The following SGPP2 variants were observed in gnomAD, a reference collection of about 807,000 sequenced individuals.
The protein encoded by SGPP2 is sphingosine-1-phosphate phosphatase 2.
Under a neutral mutation model 33.9 loss-of-function variants are expected in SGPP2, and 30 were observed. That is an observed-to-expected ratio of 0.89 (90% CI 0.66 to 1.20). The LOEUF (loss-of-function observed/expected upper bound fraction) is 1.20, where lower values mean the gene tolerates loss of function less well. SGPP2 is among the 50% of genes most tolerant of loss of function. The pLI, the probability that SGPP2 is intolerant of heterozygous loss-of-function variation, is 0.00. For missense variants in SGPP2, 458 were observed against 532.1 expected, an observed-to-expected ratio of 0.86 and a Z score of 1.37; for synonymous variants, 233 against 225.0, an observed-to-expected ratio of 1.04 and a Z score of -0.32.
chr2:222,525,776 A>G (rs918709919), intron 4 of SGPP2, among the ~76,000 whole-genome samples: 1 of 152,318 alleles, frequency 6.6e-6, no homozygotes, highest in Admixed American at 6.5e-5. Context: ...TTGTGTGTTT[A>G]TCTCAATTCT....
chr2:222,544,217 G>A (rs957061438), intron 4 of SGPP2, among the ~76,000 whole-genome samples: 1 of 152,146 alleles, frequency 6.6e-6, no homozygotes, highest in Non-Finnish European at 1.5e-5. Flanking sequence ...CTGTTAAAAG[G>A]CTGAACTGAG....
In SGPP2 at chr2:222,457,920, G is replaced by A. The variant is rs144107098; in HGVS notation, c.220-16648G>A. Among the ~76,000 whole-genome samples, 44 of 152,296 alleles carry A rather than the reference G, an allele frequency of 2.9e-4. 1 individual carries two copies. In the Middle Eastern group the frequency reaches 0.01, roughly 35 times the overall value. ...TCTAGAGAATTGAGCATCTTCTCTC[G>A]CTTCATAGGGAAGGACATGGCTGGA... On this transcript the variant is annotated intron_variant, in intron 1 of 4. Transcript: ENST00000321276.
chr2:222,425,890 T>C lies in SGPP2; in HGVS notation c.219+1069T>C, dbSNP rs1453188120. Among the ~76,000 whole-genome samples the C allele has an allele frequency of 2.6e-5, 4 of 152,010 alleles. No homozygotes were observed. The East Asian group carries it at 7.7e-4, about 29-fold the overall frequency. On this transcript the variant is annotated intron_variant, in intron 1 of 4. Coordinates refer to ENST00000321276, the MANE Select transcript of SGPP2 (RefSeq NM_152386.4). The stretch of plus-strand genomic sequence containing the variant: ...ATAGGCATTGGATTACAGAATTTGT[T>C]TGGGAGGGTGAGGGTGGTTGTGTGT...
chr2:222,517,544 C>T (rs777298371), intron 2 of SGPP2, among the ~76,000 whole-genome samples: 1 of 152,186 alleles, frequency 6.6e-6, no homozygotes. Context: ...TCCTTCAAGG[C>T]CCTGTGACCT....
chr2:222,432,005 T>G (rs1697164630), intron 1 of SGPP2, among the ~76,000 whole-genome samples: 1 of 152,216 alleles, frequency 6.6e-6, no homozygotes, highest in Non-Finnish European at 1.5e-5. Context: ...AGCTGCAGTT[T>G]TGGGCTGCAG....
intron 2 of SGPP2, chr2:222,504,845 C>T (rs1698420763): frequency 6.6e-6 from 1 of 152,160 alleles, no homozygotes; most frequent in Non-Finnish European, 1.5e-5. Context: ...ACAGTCATGA[C>T]AAGGTGAGGA....
At chr2:222,498,402 G>A (rs1370162866) in intron 2 of SGPP2, 1 of 152,066 alleles carries the variant, frequency 6.6e-6, no homozygotes, top group Non-Finnish European at 1.5e-5. Flanking sequence ...TTTTTTTAAT[G>A]GCAGCCAATA....
rs185308284 is a variant in SGPP2 at position 222,443,851 on chromosome 2, C to T, written c.219+19030C>T. 1.0e-3 allele frequency among the ~76,000 whole-genome samples: 154 copies of T among 152,304 alleles called. 1 individual carries two copies. The highest frequency in any genetic ancestry group is 2.9e-5 in the Non-Finnish European group (2 of 68,024). The stretch of plus-strand genomic sequence containing the variant: ...TGCTTGGCTTCTTACACATCTAAAA[C>T]ATGTCATGTAACCTCTACTGTAACC... On this transcript the variant is annotated intron_variant, in intron 1 of 4. Coordinates refer to ENST00000321276, the MANE Select transcript of SGPP2 (RefSeq NM_152386.4).
chr2:222,459,142 C>CTTTTTTTTTT (rs1164145783), intron 1 of SGPP2, among the ~76,000 whole-genome samples: 12 of 94,470 alleles, frequency 1.3e-4, no homozygotes, highest in Non-Finnish European at 1.9e-4. Flanking sequence ...TTCTTTCTTT[C>CTTTTTTTTTT]TTTTTTTTTT....
intron 2 of SGPP2, among the ~76,000 whole-genome samples, chr2:222,500,333 G>A (rs1036020059): frequency 9.9e-5 from 15 of 152,078 alleles, no homozygotes; most frequent in South Asian, 2.1e-4. Context: ...TGGATGTCTC[G>A]TTTTCAGTTT....
At chr2:222,518,024 G>A (rs1299073481) in intron 2 of SGPP2, among the ~76,000 whole-genome samples, 1 of 152,172 alleles carries the variant, frequency 6.6e-6, no homozygotes, top group African/African-American at 2.4e-5. Context: ...CCTACTCAAG[G>A]ATGGGGACCT....
At chr2:222,435,235 A>G (rs189337880) in intron 1 of SGPP2, among the ~76,000 whole-genome samples, 9 of 152,262 alleles carry the variant, frequency 5.9e-5, no homozygotes, top group East Asian at 3.9e-4. Flanking sequence ...AGCATCTGGC[A>G]TGGGAGAAGA....
chr2:222,490,686 C>T (rs1335621853), intron 2 of SGPP2, among the ~76,000 whole-genome samples: 1 of 150,152 alleles, frequency 6.7e-6, no homozygotes, highest in Admixed American at 6.7e-5. Flanking sequence ...CTCAAGAGAT[C>T]CTTTCATCTT....
Position 222,477,041 on chromosome 2 carries a change from G to GTGTGTATAGGTGTGTATATA in SGPP2, c.378+2321_378+2340dup, listed in dbSNP as rs1250704884. Reference sequence around the variant, plus strand: ...TATATAGGTGTGTATATATGTGTATGTGTGTATAGGTGTGTATATATGTGT... The same window carrying GTGTGTATAGGTGTGTATATA: ...TATATAGGTGTGTATATATGTGTATGTGTGTATAGGTGTGTATATATGTGTATAGGTGTGTATATATGTGT... On this transcript the variant is annotated intron_variant, in intron 2 of 4. Transcript: ENST00000321276. The surrounding 1 kb of genome is among the most constrained non-coding windows in gnomAD (Gnocchi z 6.0). 0.023 allele frequency among the ~76,000 whole-genome samples: 3,391 copies of GTGTGTATAGGTGTGTATATA among 149,900 alleles called. 155 individuals carry two copies. The highest frequency in any genetic ancestry group is 0.08 in the African/African-American group (3,186 of 39,724).
intron 1 of SGPP2, among the ~76,000 whole-genome samples, chr2:222,455,187 T>C (rs1458891570): frequency 2.7e-5 from 4 of 147,014 alleles, no homozygotes; most frequent in African/African-American, 5.1e-5. Context: ...CTGGACAACA[T>C]AGTGAGACCC....
At chr2:222,478,864 C>T (rs1697989038) in intron 2 of SGPP2, among the ~76,000 whole-genome samples, 1 of 152,104 alleles carries the variant, frequency 6.6e-6, no homozygotes, top group Non-Finnish European at 1.5e-5. Flanking sequence ...TCTTTTGTTG[C>T]TTTTATAGGC....
At chr2:222,535,184 C>T (rs1414326973) in intron 4 of SGPP2, among the ~76,000 whole-genome samples, 3 of 151,870 alleles carry the variant, frequency 2.0e-5, no homozygotes, top group Non-Finnish European at 4.4e-5. Context: ...CAAGACTCAG[C>T]CTGGCCAACA....
chr2:222,488,272 T>A (rs548630767), intron 2 of SGPP2, among the ~76,000 whole-genome samples: 1 of 152,314 alleles, frequency 6.6e-6, no homozygotes, highest in East Asian at 1.9e-4. Flanking sequence ...GGACTGGTAC[T>A]GTAGCCTGTT....
chr2:222,432,455 G>A (rs1249839612), intron 1 of SGPP2, among the ~76,000 whole-genome samples: 1 of 152,228 alleles, frequency 6.6e-6, no homozygotes, highest in Non-Finnish European at 1.5e-5. Context: ...CTCAGCCCTG[G>A]AGTGAAAGGC....
Sources: gnomAD v4.1 joint callset for allele counts (sites outside exome capture counted in the v4.1 genomes callset) on GRCh38, gnomAD v4.1.1 for gene constraint, Gnocchi (gnomAD v3.1) non-coding constraint, MANE v1.5 for transcripts, NCBI Gene and HGNC (gene_info 2026-07-23, HGNC 2026-07-21) for gene names.